The following PDK1 variants were observed in gnomAD, a reference collection of about 807,000 sequenced individuals.
PDK1 encodes [Pyruvate dehydrogenase (acetyl-transferring)] kinase isozyme 1, mitochondrial.
Under a neutral mutation model 54.2 loss-of-function variants are expected in PDK1, and 39 were observed. That is an observed-to-expected ratio of 0.72 (90% CI 0.56 to 0.94). The LOEUF (loss-of-function observed/expected upper bound fraction) is 0.94. Among genes scored for constraint, PDK1 ranks in the 40% least tolerant of loss-of-function variants. The pLI is 0.00. For missense variants in PDK1, 552 were observed against 566.0 expected (o/e 0.98, Z 0.25); for synonymous variants, 221 against 207.1 (o/e 1.07, Z -0.58).
chr2:172,633,340 G>A, the PDK1 span, among the ~76,000 whole-genome samples: 1 of 149,776 alleles, frequency 6.7e-6, no homozygotes, highest in South Asian at 2.1e-4. Context: ...GAACCAATGA[G>A]CCTGGCCCTA....
chr2:172,655,186 G>A, the PDK1 span, among the ~76,000 whole-genome samples: 2 of 152,204 alleles, frequency 1.3e-5, no homozygotes, highest in African/African-American at 4.8e-5. Flanking sequence ...GCCTGGCAAA[G>A]CCCTTCTCCC....
the PDK1 span, among the ~76,000 whole-genome samples, chr2:172,639,800 A>AAAAC: frequency 1.3e-5 from 2 of 152,178 alleles, no homozygotes; most frequent in Non-Finnish European, 2.9e-5. Context: ...TCGCTCTCCA[A>AAAAC]AAACAAACAA....
the PDK1 span, among the ~76,000 whole-genome samples, chr2:172,718,839 A>G: frequency 6.6e-6 from 1 of 152,166 alleles, no homozygotes; most frequent in Non-Finnish European, 1.5e-5. Flanking sequence ...TATTTTTGTG[A>G]AGTATATGTT....
chr2:172,661,590 A>G, the PDK1 span, among the ~76,000 whole-genome samples: 1 of 152,310 alleles, frequency 6.6e-6, no homozygotes, highest in African/African-American at 2.4e-5. Flanking sequence ...GATTGTGTAG[A>G]TTTAAGAAAT....
Position 172,595,999 on chromosome 2 carries a change from G to C in PDK1, c.*30G>C, listed in dbSNP as rs768890735. ...ACTTGGGACATCGGAAAATCCAAAT[G>C]TGGCTTTTGTATTAAATTTGGAAGG... is the stretch of plus-strand genomic sequence containing the variant. On this transcript the variant is annotated 3_prime_UTR_variant, in exon 11 of 11. Transcript: ENST00000282077. 7.0e-6 allele frequency: 11 copies of C among 1,574,610 alleles called. No individual in the cohort carries two copies. The highest frequency in any genetic ancestry group is 9.5e-6 in the Non-Finnish European group (11 of 1,155,562).
the PDK1 span, among the ~76,000 whole-genome samples, chr2:172,667,958 A>G: frequency 2.6e-5 from 4 of 152,244 alleles, no homozygotes; most frequent in African/African-American, 9.6e-5. Context: ...ATGCTTTGCC[A>G]GAGCAAAAGT....
At chr2:172,676,696 A>C in the PDK1 span, among the ~76,000 whole-genome samples, 1 of 152,232 alleles carries the variant, frequency 6.6e-6, no homozygotes, top group Non-Finnish European at 1.5e-5. Flanking sequence ...AGGATTTAGA[A>C]TATTACATAA....
chr2:172,571,547 G>C (rs1689259269), intron 8 of PDK1, among the ~76,000 whole-genome samples: 1 of 151,978 alleles, frequency 6.6e-6, no homozygotes. Context: ...AGAATTTTTT[G>C]GTGGGTAGAG....
the PDK1 span, among the ~76,000 whole-genome samples, chr2:172,685,781 A>G: frequency 6.6e-6 from 1 of 152,244 alleles, no homozygotes; most frequent in South Asian, 2.1e-4. Flanking sequence ...TGTTTCTATC[A>G]AATTACCTCC....
At chr2:172,586,158 CAA>C (rs373332447) in intron 8 of PDK1, 118 bp from the exon 9 acceptor site, 19,473 of 339,020 alleles carry the variant, frequency 0.057, no homozygotes, top group South Asian at 0.073. Flanking sequence ...GACTCTGTCT[CAA>C]AAAAAAAAAA....
chr2:172,665,526 T>C, the PDK1 span, among the ~76,000 whole-genome samples: 1 of 152,224 alleles, frequency 6.6e-6, no homozygotes, highest in Non-Finnish European at 1.5e-5. Flanking sequence ...ATTCACTTTT[T>C]GTCCTTTGTT....
the PDK1 span, among the ~76,000 whole-genome samples, chr2:172,621,195 C>T: frequency 5.9e-5 from 9 of 152,098 alleles, no homozygotes; most frequent in Admixed American, 1.3e-4. Flanking sequence ...AAGTATTGAT[C>T]CTGGGTGTGT....
At chr2:172,714,592 A>G in the PDK1 span, among the ~76,000 whole-genome samples, 1 of 148,964 alleles carries the variant, frequency 6.7e-6, no homozygotes, top group Admixed American at 6.8e-5. Flanking sequence ...ATTAAATATA[A>G]CAAATAAATG....
chr2:172,620,711 G>A, the PDK1 span, among the ~76,000 whole-genome samples: 18 of 152,162 alleles, frequency 1.2e-4, no homozygotes, highest in African/African-American at 3.4e-4. Flanking sequence ...GCAAGATCTC[G>A]TCATTTAAAA....
the PDK1 span, among the ~76,000 whole-genome samples, chr2:172,707,584 C>A: frequency 1.3e-5 from 2 of 152,190 alleles, no homozygotes; most frequent in Non-Finnish European, 2.9e-5. Flanking sequence ...CCCGGGAACT[C>A]ACAGCTGTGT....
rs907762194 is a variant in PDK1 at position 172,596,972 on chromosome 2, G to A, written c.*1003G>A. ...AGGTTTTGGTTTCCACCTATTTAAA[G>A]TCAGATTTATAGACTCGAGGAGACA... On this transcript the variant is annotated 3_prime_UTR_variant, in exon 11 of 11. Transcript: ENST00000282077. 2.6e-5 allele frequency: 4 copies of A among 152,126 alleles called. No homozygotes were observed. Among genetic ancestry groups the A allele is most frequent in the African/African-American group, 7.2e-5 (3 of 41,424 alleles). 9.4% of individuals were successfully genotyped at this position (152,126 alleles called of 1,614,324 possible). A position where few individuals can be genotyped will look rare whatever the true frequency, so the allele number is the denominator to read the frequency against.
chr2:172,558,853 A>G lies in PDK1; in HGVS notation c.338+4A>G, dbSNP rs568731238. On this transcript the variant is annotated splice_donor_region_variant and intron_variant, in intron 2 of 10. Transcript: ENST00000282077. ...CCGTTCAATTGGTACAAAGCTGGTA[A>G]GATTCTCATCTTGTGTTTGCAATTT... 6.2e-7 allele frequency: 1 copy of G among 1,608,112 alleles called. No individual in the cohort carries two copies. The highest frequency in any genetic ancestry group is 8.5e-7 in the Non-Finnish European group (1 of 1,178,108).
intron 8 of PDK1, among the ~76,000 whole-genome samples, chr2:172,575,275 GGTC>G (rs1689517255): frequency 6.6e-6 from 1 of 152,048 alleles, no homozygotes; most frequent in African/African-American, 2.4e-5. Context: ...TATGTTTATT[GGTC>G]TGTAGTTTCT....
chr2:172,713,770 G>A, the PDK1 span, among the ~76,000 whole-genome samples: 1 of 152,204 alleles, frequency 6.6e-6, no homozygotes, highest in Non-Finnish European at 1.5e-5. Flanking sequence ...GCTGTGTCCG[G>A]GAGGGCAAGG....
Sources: gnomAD v4.1 joint callset for allele counts (sites outside exome capture counted in the v4.1 genomes callset) on GRCh38, gnomAD v4.1.1 for gene constraint, MANE v1.5 for transcripts, NCBI Gene and HGNC (gene_info 2026-07-23, HGNC 2026-07-21) for gene names.